The following CMTM4 variants were observed in gnomAD, a reference collection of about 807,000 sequenced individuals.
CMTM4 encodes the protein CKLF like MARVEL transmembrane domain containing 4, also known as CKLF-like MARVEL transmembrane domain-containing protein 4.
Under a neutral mutation model 19.0 loss-of-function variants are expected in CMTM4, and 8 were observed. The ratio of observed to expected loss-of-function variants is 0.42; its 90% CI spans 0.25 to 0.76. The LOEUF is 0.76. Ranked by LOEUF, CMTM4 falls within the 30% of genes least tolerant of loss-of-function variation. CMTM4 has a pLI of 0.27. For synonymous variants in CMTM4, 106 were observed against 121.1 expected (o/e 0.88, Z 0.82); for missense variants, 228 against 290.2 (o/e 0.79, Z 1.56).
intron 1 of CMTM4, among the ~76,000 whole-genome samples, chr16:66,675,826 G>T (rs2016800326): frequency 6.6e-6 from 1 of 152,078 alleles, no homozygotes; most frequent in African/African-American, 2.4e-5. Flanking sequence ...TGTTTCCCCA[G>T]TTCCAGCTCT....
chr16:66,605,203 G>C, the CMTM4 span: 15 of 374,912 alleles, frequency 4.0e-5, no homozygotes, highest in Non-Finnish European at 6.2e-5. This position sits in a 1 kb window ranked among gnomAD's most constrained non-coding sequence, Gnocchi z 4.6. Flanking sequence ...TGGGGGCCGT[G>C]GGAAGTGGGT....
the CMTM4 span, among the ~76,000 whole-genome samples, chr16:66,601,083 T>TTGTGTG: frequency 2.0e-5 from 3 of 146,690 alleles, no homozygotes; most frequent in East Asian, 2.0e-4. Context: ...CTCCCATGGT[T>TTGTGTG]TGTGTGTGTG....
downstream of CMTM4, chr16:66,609,978 T>G: frequency 1.2e-6 from 2 of 1,614,200 alleles, no homozygotes; most frequent in Non-Finnish European, 1.7e-6. This position sits in a 1 kb window ranked among gnomAD's most constrained non-coding sequence, Gnocchi z 4.4. Flanking sequence ...ACTCTGCAGA[T>G]GAGACCACAG....
intron 1 of CMTM4, among the ~76,000 whole-genome samples, chr16:66,661,811 T>G (rs2016503789): frequency 6.6e-6 from 1 of 152,086 alleles, no homozygotes; most frequent in African/African-American, 2.4e-5. Context: ...TGCATGCCTG[T>G]AATTCCAGCT....
chr16:66,674,732 C>CTTTTTTTTTTTTTTTTTT (rs771044359), intron 1 of CMTM4, among the ~76,000 whole-genome samples: 1 of 92,486 alleles, frequency 1.1e-5, no homozygotes, highest in African/African-American at 4.4e-5. Flanking sequence ...GTTACATATT[C>CTTTTTTTTTTTTTTTTTT]TTTTTTTTTT....
rs142982111 is a variant in CMTM4 at position 66,686,683 on chromosome 16, G to A, written c.186+9657C>T. On this transcript the variant is annotated intron_variant, in intron 1 of 3. Transcript: ENST00000394106. Reference sequence around the variant, plus strand: ...TCTGTACTTGTGGGTAAGCATACTAGAAACCTGGAATAAACTGAGACCTTC... The same window carrying A: ...TCTGTACTTGTGGGTAAGCATACTAAAAACCTGGAATAAACTGAGACCTTC... Among the ~76,000 whole-genome samples the A allele has an allele frequency of 5.3e-5, 8 of 151,972 alleles. No individual in the cohort carries two copies. The East Asian group carries it at 1.5e-3, about 29-fold the overall frequency.
chr16:66,679,173 C>T (rs748017748), intron 1 of CMTM4, among the ~76,000 whole-genome samples: 3 of 151,920 alleles, frequency 2.0e-5, no homozygotes, highest in Non-Finnish European at 4.4e-5. Context: ...ACTCTGTATT[C>T]GCTGTTCTAA....
chr16:66,609,808 G>A (rs566439031), downstream of CMTM4: 16 of 1,613,980 alleles, frequency 9.9e-6, no homozygotes, highest in African/African-American at 2.1e-4. The surrounding 1 kb of genome is among the most constrained non-coding windows in gnomAD (Gnocchi z 4.4). Flanking sequence ...TCTGAAATGG[G>A]CCGTGAGGCT....
At position 66,618,712 on chromosome 16, in the gene CMTM4, A is replaced by G; in HGVS notation, c.*3346T>C. On this transcript the variant is annotated 3_prime_UTR_variant, in exon 4 of 4. Transcript: ENST00000394106. The stretch of plus-strand genomic sequence containing the variant: ...GGCTGACTCACTAGGACAGCTTCCA[A>G]GAACCACAGATGTAACTGCAAACTT... 1 of 985,516 alleles carries G rather than the reference A, an allele frequency of 1.0e-6. No individual in the cohort carries two copies. The highest frequency in any genetic ancestry group is 1.2e-6 in the Non-Finnish European group (1 of 829,964). The allele number at this position is 985,516 out of a possible 1,614,324, so 61.0% of individuals were successfully genotyped here.
the CMTM4 span, chr16:66,605,418 CG>C: frequency 6.5e-6 from 1 of 153,672 alleles, no homozygotes; most frequent in East Asian, 1.9e-4. The surrounding 1 kb of genome is among the most constrained non-coding windows in gnomAD (Gnocchi z 4.6). Flanking sequence ...CCCCCACCCC[CG>C]GGACTGGGTG....
intron 2 of CMTM4, among the ~76,000 whole-genome samples, chr16:66,629,983 G>C (rs2015817507): frequency 6.6e-6 from 1 of 152,116 alleles, no homozygotes; most frequent in Non-Finnish European, 1.5e-5. Flanking sequence ...AATTGTTTAA[G>C]TAAAGCCCCT....
intron 1 of CMTM4, among the ~76,000 whole-genome samples, chr16:66,662,401 G>A (rs1402238360): frequency 2.0e-5 from 3 of 152,294 alleles, no homozygotes; most frequent in African/African-American, 2.4e-5. Flanking sequence ...GGTATAGATA[G>A]GGAGTCCAGG....
chr16:66,683,109 T>TTGTG lies in CMTM4; in HGVS notation c.186+13227_186+13230dup, dbSNP rs540380218. Among the ~76,000 whole-genome samples the TTGTG allele has an allele frequency of 7.9e-4, 104 of 132,344 alleles. 2 individuals are homozygous for TTGTG. The highest frequency in any genetic ancestry group is 3.8e-3 in the Admixed American group (48 of 12,528). 86.8% of individuals were successfully genotyped at this position (132,344 alleles called of 152,430 possible). On this transcript the variant is annotated intron_variant, in intron 1 of 3. Coordinates refer to ENST00000394106, the MANE Select transcript of CMTM4 (RefSeq NM_181521.3). ...ATTTTCCACCTCAAATAGAGTCTAG[T>TTGTG]TGTGTGTGTGTGTGTGTGTGTATAT...
At chr16:66,603,662 C>T in the CMTM4 span, among the ~76,000 whole-genome samples, 1 of 152,178 alleles carries the variant, frequency 6.6e-6, no homozygotes, top group East Asian at 1.9e-4. Flanking sequence ...AAGTCTTTTT[C>T]TAAGATGGAG....
chr16:66,621,403 A>C lies in CMTM4; in HGVS notation c.*655T>G. 1.0e-6 allele frequency: 1 copy of C among 985,912 alleles called. No homozygotes were observed. Among genetic ancestry groups the C allele is most frequent in the Non-Finnish European group, 1.2e-6 (1 of 829,948 alleles). 61.1% of individuals were successfully genotyped at this position (985,912 alleles called of 1,614,324 possible). On this transcript the variant is annotated 3_prime_UTR_variant, in exon 4 of 4. Coordinates refer to ENST00000394106, the MANE Select transcript of CMTM4 (RefSeq NM_181521.3). ...ATGGCCCCCATATTCCTGGAGAAGA[A>C]TCTGGGGTTCAGGAAGGTGATTCAT... is the stretch of plus-strand genomic sequence containing the variant.
At chr16:66,683,489 C>T (rs2016979234) in intron 1 of CMTM4, among the ~76,000 whole-genome samples, 2 of 151,130 alleles carry the variant, frequency 1.3e-5, no homozygotes, top group Admixed American at 1.3e-4. Flanking sequence ...GACAGGGTTT[C>T]ACCATGTTAG....
In CMTM4 at chr16:66,621,712, T is replaced by C; in HGVS notation, c.*346A>G. 9.2e-7 allele frequency: 1 copy of C among 1,084,686 alleles called. No individual in the cohort carries two copies. Among genetic ancestry groups the C allele is most frequent in the Non-Finnish European group, 1.1e-6 (1 of 888,220 alleles). 67.2% of individuals were successfully genotyped at this position (1,084,686 alleles called of 1,614,324 possible). On this transcript the variant is annotated 3_prime_UTR_variant, in exon 4 of 4. Coordinates refer to ENST00000394106, the MANE Select transcript of CMTM4 (RefSeq NM_181521.3). ...TGCTGTCCCTTCATTCCTTCATATT[T>C]CCCCCCTCTTAGCAGCCCCATTTAA...
intron 2 of CMTM4, among the ~76,000 whole-genome samples, chr16:66,625,623 T>C (rs1296594015): frequency 6.6e-6 from 1 of 151,932 alleles, no homozygotes; most frequent in Non-Finnish European, 1.5e-5. Flanking sequence ...AGATAAAAAA[T>C]AATCTTTCAA....
At chr16:66,609,055 C>G in the CMTM4 span, among the ~76,000 whole-genome samples, 4 of 152,248 alleles carry the variant, frequency 2.6e-5, no homozygotes, top group Non-Finnish European at 2.9e-5. This position sits in a 1 kb window ranked among gnomAD's most constrained non-coding sequence, Gnocchi z 4.4. Flanking sequence ...ATGAATGGAT[C>G]GGCCACAAGA....
Sources: allele counts gnomAD v4.1 joint callset (sites outside exome capture counted in the v4.1 genomes callset), GRCh38; gene constraint gnomAD v4.1.1; non-coding constraint Gnocchi (gnomAD v3.1); transcripts MANE v1.5; gene names NCBI Gene and HGNC (gene_info 2026-07-23, HGNC 2026-07-21).